Variants in ZNF786 observed in about 807,000 individuals in gnomAD.
ZNF786 encodes zinc finger protein 786.
In ZNF786, 56 loss-of-function variants were observed where a neutral mutation model predicts 63.1. The ratio of observed to expected loss-of-function variants is 0.89; its 90% CI spans 0.72 to 1.11. The LOEUF (loss-of-function observed/expected upper bound fraction) is 1.11. Ranked by LOEUF, ZNF786 falls within the 50% of genes least tolerant of loss-of-function variation. The pLI, the probability that ZNF786 is intolerant of heterozygous loss-of-function variation, is 0.00. For missense variants in ZNF786, 1,213 were observed against 1,041.8 expected, an observed-to-expected ratio of 1.16 and a Z score of -2.26; for synonymous variants, 485 against 406.9, an observed-to-expected ratio of 1.19 and a Z score of -2.31.
rs550855047 is a variant in ZNF786, at chr7:149,071,842, G to A, written c.930C>T (p.Ser310=). Reference sequence around the variant, plus strand: ...TGTGCTGGCACCGGCGAGCCTGCGTGCTGTCCACTGGGAGGGAGCGCTTGC... The same window carrying A: ...TGTGCTGGCACCGGCGAGCCTGCGTACTGTCCACTGGGAGGGAGCGCTTGC... ...PCGKRSLPVD[S]TQARRCQHSR... The change falls in exon 4 of 4, where the codon AGC becomes AGT. Residue 310 remains serine (S), a synonymous_variant. Coordinates refer to ENST00000491431, the MANE Select transcript of ZNF786 (RefSeq NM_152411.4). 156 of 1,596,192 alleles carry A rather than the reference G, an allele frequency of 9.8e-5. 2 individuals are homozygous for A. In the East Asian group the frequency reaches 2.9e-3, roughly 30 times the overall value.
chr7:149,074,591 T>C, intron 2 of ZNF786, 53 bp from the exon 3 acceptor site: 1 of 1,554,758 alleles, frequency 6.4e-7, no homozygotes, highest in Non-Finnish European at 8.7e-7. Context: ...TAAAGCACAC[T>C]AAGTTTCTAA....
chr7:149,080,917 C>T (rs1236123080), intron 1 of ZNF786, among the ~76,000 whole-genome samples, 200 bp from the exon 2 acceptor site: 2 of 152,152 alleles, frequency 1.3e-5, no homozygotes, highest in African/African-American at 4.8e-5. Flanking sequence ...CTCCACGTTT[C>T]ATTATGCTTG....
chr7:149,070,538 G>A lies in ZNF786; in HGVS notation c.2234C>T (p.Ser745Phe). Residue 745 changes from serine to phenylalanine, a missense_variant, in exon 4 of 4, where the codon TCT becomes TTT. Transcript: ENST00000491431. ...TACTCTGATGTGCTCCGCAAGCTTAGACTTGTAAATGAAGCCCTTCCCACA... is the reference window on the plus strand; with the variant it reads ...TACTCTGATGTGCTCCGCAAGCTTAAACTTGTAAATGAAGCCCTTCCCACA... ...GDCGKGFIYK[S>F]KLAEHIRVHT... 1.9e-6 allele frequency: 3 copies of A among 1,614,042 alleles called. 1 individual carries two copies. Among genetic ancestry groups the A allele is most frequent in the Non-Finnish European group, 2.5e-6 (3 of 1,179,906 alleles).
chr7:149,084,774 G>T (rs939245735), intron 1 of ZNF786, among the ~76,000 whole-genome samples: 1 of 152,148 alleles, frequency 6.6e-6, no homozygotes, highest in Admixed American at 6.6e-5. Context: ...TTCTTTTGCT[G>T]CATAGAAGCT....
chr7:149,085,458 G>A (rs1468293179), intron 1 of ZNF786, among the ~76,000 whole-genome samples: 2 of 152,176 alleles, frequency 1.3e-5, no homozygotes, highest in Non-Finnish European at 2.9e-5. Flanking sequence ...GCACATGCCT[G>A]TAGTCCTAGC....
chr7:149,071,054 C>G lies in ZNF786; in HGVS notation c.1718G>C (p.Gly573Ala). The G allele has an allele frequency of 1.2e-6, 2 of 1,612,252 alleles. No homozygotes were observed. The highest frequency in any genetic ancestry group is 1.7e-6 in the Non-Finnish European group (2 of 1,179,734). ...RPFSCGECGKGFTRQSKLTEH... is the reference protein window; with the variant it reads ...RPFSCGECGKAFTRQSKLTEH... ...CGTGAGCTTGGATTGTCTGGTGAAG[C>G]CCTTGCCACACTCCCCGCACGAGAA... Residue 573 changes from glycine to alanine, a missense_variant, in exon 4 of 4, where the codon GGC becomes GCC. Coordinates refer to ENST00000491431, the MANE Select transcript of ZNF786 (RefSeq NM_152411.4).
chr7:149,075,002 G>A (rs373346499), intron 2 of ZNF786, among the ~76,000 whole-genome samples: 58 of 151,724 alleles, frequency 3.8e-4, no homozygotes, highest in Non-Finnish European at 5.7e-4. Context: ...GCTAATTTTC[G>A]CATTTTTAGT....
chr7:149,071,680 G>A lies in ZNF786; in HGVS notation c.1092C>T (p.Gly364=). ...CCGAGCAGGAGCAGGGCCCCTCTGC[G>A]CCATGCTGCAGCGCCTCCGTGTCCC... ...QEGDTEALQH[G]AEGPCSCSEC... is the part of the protein sequence containing the mutation. The change falls in exon 4 of 4, where the codon GGC becomes GGT. Residue 364 remains glycine (G), a synonymous_variant. Transcript: ENST00000491431. 2 of 1,567,184 alleles carry A rather than the reference G, an allele frequency of 1.3e-6. No homozygotes were observed. The highest frequency in any genetic ancestry group is 2.7e-5 in the African/African-American group (2 of 74,244).
At position 149,074,634 on chromosome 7, in the gene ZNF786, G is replaced by A. The variant is rs1371149002; in HGVS notation, c.146-96C>T. 2.7e-5 allele frequency: 34 copies of A among 1,272,030 alleles called. No individual in the cohort carries two copies. In the Admixed American group the frequency reaches 7.0e-4, roughly 26 times the overall value. The allele number at this position is 1,272,030 out of a possible 1,614,324, so 78.8% of individuals were successfully genotyped here. On this transcript the variant is annotated intron_variant, in intron 2 of 3. Coordinates refer to ENST00000491431, the MANE Select transcript of ZNF786 (RefSeq NM_152411.4). The stretch of plus-strand genomic sequence containing the variant: ...AACATTCACTCCTGGGACAAAGTAT[G>A]AGAACAACATGTCAAAAAAAAAAAA...
chr7:149,077,320 C>G (rs1028243176), intron 2 of ZNF786, among the ~76,000 whole-genome samples: 1 of 152,144 alleles, frequency 6.6e-6, no homozygotes, highest in African/African-American at 2.4e-5. Context: ...ATCCATGTAA[C>G]TGACTATTAG....
chr7:149,084,469 CTT>C (rs34796772), intron 1 of ZNF786, among the ~76,000 whole-genome samples: 15,292 of 151,486 alleles, frequency 0.1, 1,016 homozygotes, highest in Non-Finnish European at 0.15. Context: ...TATGTGTTCT[CTT>C]TTCTCTGTAA....
intron 1 of ZNF786, among the ~76,000 whole-genome samples, chr7:149,087,815 C>T (rs1417075087): frequency 2.6e-4 from 38 of 147,316 alleles, no homozygotes; most frequent in Non-Finnish European, 4.6e-4. Flanking sequence ...TTTTTTGAAA[C>T]GGGGGTCTCT....
chr7:149,070,551 A>T lies in ZNF786; in HGVS notation c.2221T>A (p.Phe741Ile), dbSNP rs1825383033. Residue 741 changes from phenylalanine (F) to isoleucine (I), a missense_variant, in exon 4 of 4, where the codon TTC becomes ATC. Transcript: ENST00000491431. ...PFACGDCGKG[F>I]IYKSKLAEHI... ...TCCGCAAGCTTAGACTTGTAAATGA[A>T]GCCCTTCCCACAATCGCCACAGGCA... The T allele has an allele frequency of 6.2e-7, 1 of 1,614,022 alleles. No individual in the cohort carries two copies. The highest frequency in any genetic ancestry group is 1.3e-5 in the African/African-American group (1 of 75,074).
chr7:149,089,744 G>A (rs1350109152), intron 1 of ZNF786, among the ~76,000 whole-genome samples: 3 of 151,582 alleles, frequency 2.0e-5, no homozygotes, highest in South Asian at 2.1e-4. Context: ...ACGGAGTTTC[G>A]CTCTTGTTGC....
chr7:149,085,037 A>C (rs1007136997), intron 1 of ZNF786, among the ~76,000 whole-genome samples: 1 of 152,098 alleles, frequency 6.6e-6, no homozygotes, highest in Non-Finnish European at 1.5e-5. Flanking sequence ...AGCACCATTT[A>C]TTAAATAGGG....
chr7:149,082,120 A>C (rs1825662484), intron 1 of ZNF786, among the ~76,000 whole-genome samples: 1 of 152,162 alleles, frequency 6.6e-6, no homozygotes, highest in Non-Finnish European at 1.5e-5. Context: ...GGTGGGAGGC[A>C]ACTGAATCAT....
Position 149,071,492 on chromosome 7 carries a change from C to T in ZNF786, c.1280G>A (p.Cys427Tyr), listed in dbSNP as rs762940146. The part of the protein sequence containing the change: ...HAHGGERPFS[C>Y]RKCGKGFAKQ... Reference sequence around the variant, plus strand: ...GGCGAAGCCCTTGCCACACTTCCTGCAGGAGAACGGTCTCTCCCCACCGTG... The same window carrying T: ...GGCGAAGCCCTTGCCACACTTCCTGTAGGAGAACGGTCTCTCCCCACCGTG... Residue 427 changes from cysteine to tyrosine, a missense_variant, in exon 4 of 4, where the codon TGC becomes TAC. Physicochemically the swap from Cys to Tyr is radical, Grantham distance 194. Coordinates refer to ENST00000491431, the MANE Select transcript of ZNF786 (RefSeq NM_152411.4). 6.2e-7 allele frequency: 1 copy of T among 1,613,348 alleles called. No individual in the cohort carries two copies. Among genetic ancestry groups the T allele is most frequent in the South Asian group, 1.1e-5 (1 of 91,082 alleles).
chr7:149,075,764 A>G (rs1433320225), intron 2 of ZNF786, among the ~76,000 whole-genome samples: 1 of 131,084 alleles, frequency 7.6e-6, no homozygotes, highest in Non-Finnish European at 1.6e-5. Flanking sequence ...CCTGGGCTCA[A>G]GTAATCCTCC....
At position 149,090,701 on chromosome 7, in the gene ZNF786, C is replaced by T. The variant is rs572455722; in HGVS notation, c.-61G>A. 1.1e-5 allele frequency: 17 copies of T among 1,543,372 alleles called. No homozygotes were observed. Among genetic ancestry groups the T allele is most frequent in the Non-Finnish European group, 1.4e-5 (16 of 1,141,874 alleles). The stretch of plus-strand genomic sequence containing the variant: ...ACCGTCTCCGGCGGCTCCGCAGGAA[C>T]CTGCCCTGCTGCGCACTGACTCCCC... On this transcript the variant is annotated 5_prime_UTR_variant, in exon 1 of 4. Coordinates refer to ENST00000491431, the MANE Select transcript of ZNF786 (RefSeq NM_152411.4).
Sources: allele counts gnomAD v4.1 joint callset (sites outside exome capture counted in the v4.1 genomes callset), GRCh38; gene constraint gnomAD v4.1.1; transcripts MANE v1.5; gene names NCBI Gene and HGNC (gene_info 2026-07-23, HGNC 2026-07-21).